SPAG16: variants seen among roughly 807,000 people sequenced by gnomAD.
The protein encoded by SPAG16 is sperm associated antigen 16.
A neutral mutation model predicts 80.4 loss-of-function variants in SPAG16; 86 were observed. The ratio of observed to expected loss-of-function variants is 1.07; its 90% CI spans 0.90 to 1.28. SPAG16 has a LOEUF of 1.28. Among genes scored for constraint, SPAG16 ranks in the 50% most tolerant of loss-of-function variants. The pLI, the probability that SPAG16 is intolerant of heterozygous loss-of-function variation, is 0.00. For synonymous variants in SPAG16, 294 were observed against 265.9 expected (o/e 1.11, Z -1.03); for missense variants, 870 against 765.3 (o/e 1.14, Z -1.61).
intron 15 of SPAG16, among the ~76,000 whole-genome samples, chr2:214,273,528 A>G (rs1424072670): frequency 2.0e-5 from 3 of 151,996 alleles, no homozygotes; most frequent in African/African-American, 4.8e-5. Context: ...AGTTTTCCCA[A>G]CACCATTTAT....
intron 10 of SPAG16, among the ~76,000 whole-genome samples, chr2:213,802,409 C>CTATA (rs567020516): frequency 0.01 from 1,022 of 98,552 alleles, 15 homozygotes; most frequent in African/African-American, 0.028. Context: ...ATCTATCTAT[C>CTATA]TATCTATCTA....
At chr2:214,013,799 G>A (rs569335895) in intron 12 of SPAG16, 152 bp from the exon 13 acceptor site, 26 of 633,204 alleles carry the variant, frequency 4.1e-5, no homozygotes, top group Non-Finnish European at 6.0e-5. Flanking sequence ...ATATAAGGTA[G>A]CTATAGAATT....
chr2:213,785,082 A>G (rs544608140), intron 10 of SPAG16, among the ~76,000 whole-genome samples: 2 of 152,248 alleles, frequency 1.3e-5, no homozygotes, highest in East Asian at 3.9e-4. Flanking sequence ...AATTCAAGCA[A>G]TATGGACGTA....
intron 11 of SPAG16, among the ~76,000 whole-genome samples, chr2:213,905,707 G>T (rs563219158): frequency 2.6e-5 from 4 of 152,142 alleles, no homozygotes; most frequent in African/African-American, 9.7e-5. Context: ...TCCTTAGATG[G>T]TAGTAAGTAC....
At chr2:213,544,885 A>G (rs2076566094) in intron 10 of SPAG16, among the ~76,000 whole-genome samples, 1 of 152,032 alleles carries the variant, frequency 6.6e-6, no homozygotes, top group South Asian at 2.1e-4. Context: ...ATGATATTCC[A>G]TTGTCTAGCT....
chr2:213,481,258 C>T (rs2073734691), intron 9 of SPAG16, among the ~76,000 whole-genome samples: 1 of 152,104 alleles, frequency 6.6e-6, no homozygotes, highest in African/African-American at 2.4e-5. Context: ...TTACATGCTG[C>T]TAGGTAAGAG....
chr2:213,563,878 AC>A (rs2125988614), intron 10 of SPAG16, among the ~76,000 whole-genome samples: 1 of 152,258 alleles, frequency 6.6e-6, no homozygotes, highest in Admixed American at 6.5e-5. Flanking sequence ...ACATTTCTAC[AC>A]CCTGAATGAG....
chr2:214,208,154 C>T (rs62196174), intron 15 of SPAG16, among the ~76,000 whole-genome samples: 27,687 of 151,980 alleles, frequency 0.18, 2,908 homozygotes, highest in Middle Eastern at 0.24. Context: ...TCTGGAGAAC[C>T]CTGAAAAATA....
At chr2:213,883,894 T>C (rs2106040667) in intron 11 of SPAG16, among the ~76,000 whole-genome samples, 1 of 152,342 alleles carries the variant, frequency 6.6e-6, no homozygotes, top group African/African-American at 2.4e-5. Context: ...ACTTTGAGCC[T>C]GAGTCCTTAC....
At chr2:213,442,350 A>G (rs1357030720) in intron 9 of SPAG16, among the ~76,000 whole-genome samples, 1 of 152,220 alleles carries the variant, frequency 6.6e-6, no homozygotes, top group Non-Finnish European at 1.5e-5. Context: ...GTTCTTTCCA[A>G]CTTGACCAGT....
chr2:213,906,310 A>G (rs2077430314), intron 11 of SPAG16, among the ~76,000 whole-genome samples: 1 of 152,192 alleles, frequency 6.6e-6, no homozygotes, highest in Non-Finnish European at 1.5e-5. Context: ...AGAATAACCA[A>G]TGAGGTAAAA....
chr2:214,290,380 C>G (rs573217025), intron 15 of SPAG16, among the ~76,000 whole-genome samples: 7 of 141,366 alleles, frequency 5.0e-5, no homozygotes, highest in African/African-American at 1.9e-4. Flanking sequence ...TCATTGAGCT[C>G]TGATCTGATA....
At chr2:213,959,308 G>A (rs2044298824) in intron 12 of SPAG16, among the ~76,000 whole-genome samples, 1 of 152,116 alleles carries the variant, frequency 6.6e-6, no homozygotes, top group Non-Finnish European at 1.5e-5. Flanking sequence ...TACATGTGGT[G>A]TCATAAATTT....
At chr2:214,113,949 A>G (rs1288058997) in intron 14 of SPAG16, among the ~76,000 whole-genome samples, 2 of 152,108 alleles carry the variant, frequency 1.3e-5, no homozygotes, top group African/African-American at 4.8e-5. Context: ...TTTTCTCCCC[A>G]TCTTTGTGGT....
At chr2:214,229,437 C>T (rs909657460) in intron 15 of SPAG16, among the ~76,000 whole-genome samples, 1 of 151,354 alleles carries the variant, frequency 6.6e-6, no homozygotes, top group African/African-American at 2.4e-5. Context: ...TTTTAATTTT[C>T]ATTATTATGA....
At chr2:213,651,920 G>T (rs972528265) in intron 10 of SPAG16, among the ~76,000 whole-genome samples, 1 of 152,120 alleles carries the variant, frequency 6.6e-6, no homozygotes, top group Admixed American at 6.6e-5. Flanking sequence ...ATAGGTTTGA[G>T]AAATTTCTGC....
At chr2:213,945,247 ATATACAAGTT>A (rs1267824479) in intron 12 of SPAG16, among the ~76,000 whole-genome samples, 8 of 149,146 alleles carry the variant, frequency 5.4e-5, no homozygotes, top group Non-Finnish European at 1.5e-5. Flanking sequence ...ATATGTGTAT[ATATACAAGTT>A]TATACAAGTA....
chr2:213,585,680 T>A (rs2124885225), intron 10 of SPAG16, among the ~76,000 whole-genome samples: 1 of 151,506 alleles, frequency 6.6e-6, no homozygotes, highest in East Asian at 1.9e-4. Flanking sequence ...ATAGCAAGCA[T>A]TTTTTTTGCA....
intron 13 of SPAG16, among the ~76,000 whole-genome samples, chr2:214,104,384 G>A (rs4410231): frequency 6.6e-6 from 1 of 151,952 alleles, no homozygotes; most frequent in East Asian, 1.9e-4. Context: ...GCTTTTGTTG[G>A]TTGCTCTAGT....
Sources: gnomAD v4.1 joint callset for allele counts (sites outside exome capture counted in the v4.1 genomes callset) on GRCh38, gnomAD v4.1.1 for gene constraint, MANE v1.5 for transcripts, NCBI Gene and HGNC (gene_info 2026-07-23, HGNC 2026-07-21) for gene names.